The following TOX2 variants were observed in gnomAD, a reference collection of about 807,000 sequenced individuals.
The protein encoded by TOX2 is granulosa cell HMG box 1.
In TOX2, 15 loss-of-function variants were observed where a neutral mutation model predicts 47.4. The ratio of observed to expected loss-of-function variants is 0.32; its 90% CI spans 0.21 to 0.49. TOX2 has a LOEUF of 0.49. Ranked by LOEUF, TOX2 falls within the 20% of genes least tolerant of loss-of-function variation. The pLI is 0.99. For synonymous variants in TOX2, 290 were observed against 296.6 expected (o/e 0.98, Z 0.23); for missense variants, 622 against 673.1 (o/e 0.92, Z 0.84).
chr20:43,968,242 T>G (rs1365017881), intron 1 of TOX2, among the ~76,000 whole-genome samples: 1 of 152,184 alleles, frequency 6.6e-6, no homozygotes, highest in Non-Finnish European at 1.5e-5. Context: ...TCACATCTGT[T>G]TACCCCACAA....
At chr20:44,039,002 A>G (rs926371457) in intron 3 of TOX2, 64 of 1,206,262 alleles carry the variant, frequency 5.3e-5, no homozygotes, top group Non-Finnish European at 5.9e-5. Flanking sequence ...GCGTGGCCAT[A>G]TGTTTCCAAG....
intron 1 of TOX2, among the ~76,000 whole-genome samples, chr20:43,968,731 A>C (rs1314961921): frequency 6.6e-6 from 1 of 152,248 alleles, no homozygotes; most frequent in Non-Finnish European, 1.5e-5. Flanking sequence ...TGAGGACTGA[A>C]GATGGCAATG....
At chr20:43,985,537 TC>T (rs1194057664) in intron 2 of TOX2, among the ~76,000 whole-genome samples, 4 of 152,234 alleles carry the variant, frequency 2.6e-5, no homozygotes, top group African/African-American at 9.6e-5. Flanking sequence ...CTTTAGAAGT[TC>T]CTCAGAGTGA....
chr20:43,960,041 C>T lies in TOX2; in HGVS notation c.100-13326C>T, dbSNP rs147799176. ...CTTGGGCAAGCTACATAACCTCCCT[C>T]GACCTCAGTCTCCTTTTCTGTAAAA... On this transcript the variant is annotated intron_variant, in intron 1 of 8. Coordinates refer to ENST00000341197, the MANE Select transcript of TOX2 (RefSeq NM_001098797.2). Among the ~76,000 whole-genome samples, 82 of 152,320 alleles carry T rather than the reference C, an allele frequency of 5.4e-4. 1 individual carries two copies. The East Asian group carries it at 0.012, about 22-fold the overall frequency.
chr20:44,066,151 G>T (rs2071818115), intron 7 of TOX2, 44 bp downstream of exon 7: 1 of 1,482,742 alleles, frequency 6.7e-7, no homozygotes, highest in African/African-American at 1.4e-5. Context: ...ACCGTGTGGG[G>T]AGGGGAAGCG....
chr20:43,967,772 CTT>C (rs2069884881), intron 1 of TOX2, among the ~76,000 whole-genome samples: 1 of 152,000 alleles, frequency 6.6e-6, no homozygotes, highest in Admixed American at 6.6e-5. Context: ...TTGAGTTAAA[CTT>C]AATTTTGATG....
chr20:44,040,188 G>A lies in TOX2; in HGVS notation c.412-11118G>A, dbSNP rs79369091. Among the ~76,000 whole-genome samples, 1,250 of 152,306 alleles carry A rather than the reference G, an allele frequency of 8.2e-3. 16 individuals are homozygous for A. The highest frequency in any genetic ancestry group is 0.029 in the African/African-American group (1,189 of 41,580). ...CTGAAATTGGCTTTAAGCAAAACACGTTTTGAGGTGAAACTTGGGAATTTT... is the reference window on the plus strand; with the variant it reads ...CTGAAATTGGCTTTAAGCAAAACACATTTTGAGGTGAAACTTGGGAATTTT... On this transcript the variant is annotated intron_variant, in intron 3 of 8. Coordinates refer to ENST00000341197, the MANE Select transcript of TOX2 (RefSeq NM_001098797.2).
intron 2 of TOX2, among the ~76,000 whole-genome samples, chr20:43,989,977 T>C (rs1473477284): frequency 6.6e-6 from 1 of 152,096 alleles, no homozygotes; most frequent in African/African-American, 2.4e-5. Flanking sequence ...CTCTATTGGT[T>C]GTTGGCCGGA....
intron 1 of TOX2, among the ~76,000 whole-genome samples, chr20:43,973,104 G>A (rs141626475): frequency 2.4e-4 from 37 of 152,368 alleles, no homozygotes; most frequent in African/African-American, 8.7e-4. Context: ...GTTATAGAGG[G>A]CAGAAAGGTT....
intron 1 of TOX2, among the ~76,000 whole-genome samples, chr20:43,966,266 A>G (rs982648958): frequency 5.3e-5 from 8 of 152,202 alleles, no homozygotes; most frequent in African/African-American, 1.7e-4. Context: ...CACTGCACAT[A>G]GGAGTTGAAT....
intron 1 of TOX2, among the ~76,000 whole-genome samples, chr20:43,951,707 G>GTTTGTTTTT (rs2069571364): frequency 2.7e-4 from 15 of 55,096 alleles, no homozygotes; most frequent in Non-Finnish European, 3.9e-4. Context: ...AACTTATTAT[G>GTTTGTTTTT]TTTTTTTTTT....
At chr20:44,045,218 T>C (rs914101625) in intron 3 of TOX2, among the ~76,000 whole-genome samples, 7 of 152,320 alleles carry the variant, frequency 4.6e-5, no homozygotes, top group Admixed American at 3.3e-4. Context: ...CGTGAACATA[T>C]TTAATGCCAC....
intron 4 of TOX2, among the ~76,000 whole-genome samples, chr20:44,053,570 CACACAT>C (rs1418747874): frequency 1.4e-5 from 2 of 138,176 alleles, no homozygotes; most frequent in African/African-American, 5.3e-5. Context: ...TATATATACA[CACACAT>C]ATATATACTA....
At chr20:44,026,430 T>C (rs575301803) in intron 3 of TOX2, among the ~76,000 whole-genome samples, 1 of 150,858 alleles carries the variant, frequency 6.6e-6, no homozygotes, top group African/African-American at 2.4e-5. Context: ...TGCAAAGACA[T>C]AAGAATGACT....
At chr20:44,000,593 G>C (rs762194093) in intron 2 of TOX2, among the ~76,000 whole-genome samples, 1 of 152,154 alleles carries the variant, frequency 6.6e-6, no homozygotes, top group East Asian at 1.9e-4. Context: ...GTCTGGCTCG[G>C]TGGTAAGAAC....
intron 3 of TOX2, among the ~76,000 whole-genome samples, chr20:44,041,465 G>C (rs1238756065): frequency 1.3e-5 from 2 of 152,202 alleles, no homozygotes; most frequent in Non-Finnish European, 2.9e-5. Context: ...AAATGCCCTA[G>C]AAAACCTGGG....
chr20:43,933,768 G>T (rs1233097630), intron 1 of TOX2, among the ~76,000 whole-genome samples: 2 of 152,152 alleles, frequency 1.3e-5, no homozygotes, highest in Non-Finnish European at 2.9e-5. Flanking sequence ...CTCCCAGCAG[G>T]TATTTCTCCA....
chr20:44,056,072 G>T (rs913509111), intron 5 of TOX2, among the ~76,000 whole-genome samples: 1 of 152,144 alleles, frequency 6.6e-6, no homozygotes, highest in Non-Finnish European at 1.5e-5. Context: ...GCACAATCCC[G>T]CTGGGAACTC....
intron 5 of TOX2, among the ~76,000 whole-genome samples, chr20:44,062,247 G>C (rs1280886646): frequency 6.6e-6 from 1 of 151,982 alleles, no homozygotes; most frequent in Non-Finnish European, 1.5e-5. Flanking sequence ...CCTAGAACTG[G>C]TAAATGAATT....
Sources: gnomAD v4.1 joint callset for allele counts (sites outside exome capture counted in the v4.1 genomes callset) on GRCh38, gnomAD v4.1.1 for gene constraint, MANE v1.5 for transcripts, NCBI Gene and HGNC (gene_info 2026-07-23, HGNC 2026-07-21) for gene names.